Variants in ATXN1 observed in about 807,000 individuals in gnomAD.
ATXN1 encodes ataxin-1.
Under a neutral mutation model 56.4 loss-of-function variants are expected in ATXN1, and 8 were observed. That is an observed-to-expected ratio of 0.14 (90% CI 0.08 to 0.26). ATXN1 has a LOEUF of 0.26. Ranked by LOEUF, ATXN1 falls within the 10% of genes least tolerant of loss-of-function variation. The probability of loss-of-function intolerance (pLI) is 1.00; values close to 1 mark genes in which losing one functional copy is unlikely to be tolerated. For missense variants in ATXN1, 987 were observed against 1,106.5 expected (o/e 0.89, Z 1.53); for synonymous variants, 514 against 494.6 (o/e 1.04, Z -0.52).
At chr6:16,604,822 G>A (rs1199378885) in intron 3 of ATXN1, among the ~76,000 whole-genome samples, 2 of 151,586 alleles carry the variant, frequency 1.3e-5, no homozygotes, top group African/African-American at 4.8e-5. Flanking sequence ...CCTGCCCTAA[G>A]CAATCCTCCC....
At chr6:16,314,740 CGAGTAGCTGG>C (rs1760472147) in intron 7 of ATXN1, among the ~76,000 whole-genome samples, 2 of 151,888 alleles carry the variant, frequency 1.3e-5, no homozygotes, top group Admixed American at 6.6e-5. Context: ...CTCAGCCTCC[CGAGTAGCTGG>C]GAGGCATAAG....
intron 6 of ATXN1, among the ~76,000 whole-genome samples, chr6:16,346,289 G>A (rs1292783945): frequency 6.6e-6 from 1 of 152,104 alleles, no homozygotes; most frequent in Non-Finnish European, 1.5e-5. Flanking sequence ...CCTGACCTCA[G>A]GTGATCCGCC....
intron 6 of ATXN1, among the ~76,000 whole-genome samples, chr6:16,341,636 A>G (rs907008914): frequency 1.4e-5 from 2 of 146,546 alleles, no homozygotes; most frequent in African/African-American, 2.5e-5. Flanking sequence ...CTCCTGCCTC[A>G]GCCTCCCGAG....
At chr6:16,366,780 G>GAAA (rs770284096) in intron 6 of ATXN1, among the ~76,000 whole-genome samples, 1 of 98,458 alleles carries the variant, frequency 1.0e-5, no homozygotes, top group Admixed American at 1.1e-4. Flanking sequence ...GACTCTGTCT[G>GAAA]AAAAAAAAAA....
chr6:16,569,162 C>A (rs1380276690), intron 4 of ATXN1, among the ~76,000 whole-genome samples: 3 of 152,132 alleles, frequency 2.0e-5, no homozygotes, highest in Non-Finnish European at 4.4e-5. Context: ...TGACTGCCTG[C>A]TCTTCTTCCC....
In ATXN1 at chr6:16,483,282, A is replaced by G. The variant is rs183429244; in HGVS notation, c.-161+2690T>C. The stretch of plus-strand genomic sequence containing the variant: ...TCTGCAAGGACTGCTGAGCATGGGA[A>G]CCACTACTTCCAATGGCTGCTGTGA... On this transcript the variant is annotated intron_variant, in intron 6 of 7. Coordinates refer to ENST00000436367, the MANE Select transcript of ATXN1 (RefSeq NM_001128164.2). Among the ~76,000 whole-genome samples, 10 of 152,324 alleles carry G rather than the reference A, an allele frequency of 6.6e-5. No individual in the cohort carries two copies. In the East Asian group the frequency reaches 1.9e-3, roughly 29 times the overall value.
chr6:16,669,874 C>T (rs1168212721), intron 2 of ATXN1, among the ~76,000 whole-genome samples: 19 of 152,130 alleles, frequency 1.2e-4, no homozygotes, highest in African/African-American at 4.6e-4. Context: ...TCTAGAATAA[C>T]TCTTGTTGCC....
chr6:16,695,103 T>C (rs1759135328), intron 2 of ATXN1, among the ~76,000 whole-genome samples: 1 of 148,786 alleles, frequency 6.7e-6, no homozygotes, highest in African/African-American at 2.6e-5. Context: ...ACCATGGCTC[T>C]TGGGGACCAT....
At chr6:16,462,382 G>A (rs952531527) in intron 6 of ATXN1, among the ~76,000 whole-genome samples, 1 of 152,142 alleles carries the variant, frequency 6.6e-6, no homozygotes, top group Non-Finnish European at 1.5e-5. Flanking sequence ...TATTTCAGAA[G>A]GAAACATCCC....
At position 16,730,487 on chromosome 6, in the gene ATXN1, G is replaced by GTGTATATATATATATATA. The variant is rs141836403; in HGVS notation, c.-615+22745_-615+22746insTATATATATATATATACA. ...CTGGAGTTAAAGGGTAAAACAGTAT[G>GTGTATATATATATATATA]TATATATATATATATATATAAATGT... On this transcript the variant is annotated intron_variant, in intron 2 of 7. Transcript: ENST00000436367. Among the ~76,000 whole-genome samples, 354 of 132,020 alleles carry GTGTATATATATATATATA rather than the reference G, an allele frequency of 2.7e-3. 15 individuals carry two copies. Among genetic ancestry groups the GTGTATATATATATATATA allele is most frequent in the Non-Finnish European group, 4.5e-3 (269 of 60,328 alleles). 86.6% of individuals were successfully genotyped at this position (132,020 alleles called of 152,430 possible).
chr6:16,667,916 C>T (rs1208903537), intron 2 of ATXN1, among the ~76,000 whole-genome samples: 1 of 152,154 alleles, frequency 6.6e-6, no homozygotes, highest in African/African-American at 2.4e-5. Flanking sequence ...CTTTCTATAA[C>T]CACTGCAGCT....
At chr6:16,612,693 C>T (rs986221397) in intron 3 of ATXN1, among the ~76,000 whole-genome samples, 1 of 151,800 alleles carries the variant, frequency 6.6e-6, no homozygotes, top group Non-Finnish European at 1.5e-5. Context: ...GAGATTGAGA[C>T]CATCCTGGCC....
At chr6:16,453,915 C>A (rs193287288) in intron 6 of ATXN1, among the ~76,000 whole-genome samples, 3 of 151,940 alleles carry the variant, frequency 2.0e-5, no homozygotes, top group Non-Finnish European at 2.9e-5. Context: ...CTGAGTCAGG[C>A]GGATCACTTG....
intron 4 of ATXN1, among the ~76,000 whole-genome samples, chr6:16,548,547 C>G (rs549326415): frequency 3.5e-4 from 53 of 152,092 alleles, no homozygotes; most frequent in African/African-American, 1.2e-3. Context: ...TAAAGTTGTA[C>G]GAAAATATTT....
intron 2 of ATXN1, among the ~76,000 whole-genome samples, chr6:16,742,561 G>T (rs906888255): frequency 6.6e-6 from 1 of 152,180 alleles, no homozygotes; most frequent in African/African-American, 2.4e-5. Flanking sequence ...ATACCTGTCA[G>T]AATCTCTTAA....
intron 3 of ATXN1, among the ~76,000 whole-genome samples, chr6:16,640,737 T>C (rs1763693664): frequency 6.6e-6 from 1 of 150,682 alleles, no homozygotes; most frequent in Non-Finnish European, 1.5e-5. Context: ...AACCCTAAAA[T>C]AGCCGCTAAG....
intron 6 of ATXN1, among the ~76,000 whole-genome samples, chr6:16,421,385 T>C (rs1759028482): frequency 6.6e-6 from 1 of 152,154 alleles, no homozygotes; most frequent in Admixed American, 6.5e-5. Flanking sequence ...AACAGTTACA[T>C]TTGTCCCCTC....
chr6:16,558,973 G>A (rs1013095254), intron 4 of ATXN1, among the ~76,000 whole-genome samples: 1 of 151,590 alleles, frequency 6.6e-6, no homozygotes, highest in African/African-American at 2.4e-5. Flanking sequence ...AATGGGCAAC[G>A]AGGATGAATA....
In ATXN1 at chr6:16,619,127, CT is replaced by C. The variant is rs927250773; in HGVS notation, c.-488-33221del. ...AAATTGGCAGAGTTTTTGTTTGTTT[CT>C]TTTTTTTTTAATTACAGTACTTAGT... is the stretch of plus-strand genomic sequence containing the variant. On this transcript the variant is annotated intron_variant, in intron 3 of 7. Coordinates refer to ENST00000436367, the MANE Select transcript of ATXN1 (RefSeq NM_001128164.2). Among the ~76,000 whole-genome samples, 152 of 148,286 alleles carry C rather than the reference CT, an allele frequency of 1.0e-3. 1 individual carries two copies. Among genetic ancestry groups the C allele is most frequent in the Middle Eastern group, 6.8e-3 (2 of 292 alleles).
Sources: gnomAD v4.1 joint callset for allele counts (sites outside exome capture counted in the v4.1 genomes callset) on GRCh38, gnomAD v4.1.1 for gene constraint, MANE v1.5 for transcripts, NCBI Gene and HGNC (gene_info 2026-07-23, HGNC 2026-07-21) for gene names.